PCBP3: variants seen among roughly 807,000 people sequenced by gnomAD.
The protein encoded by PCBP3 is poly(rC) binding protein 3, also known as poly(rC)-binding protein 3.
Under a neutral mutation model 52.7 loss-of-function variants are expected in PCBP3, and 25 were observed. That is an observed-to-expected ratio of 0.47 (90% confidence interval 0.35 to 0.66). The LOEUF is 0.66. PCBP3 is among the 30% of genes least tolerant of loss of function. PCBP3 has a pLI of 0.01. For synonymous variants in PCBP3, 162 were observed against 183.0 expected, an observed-to-expected ratio of 0.89 and a Z score of 0.93; for missense variants, 391 against 490.3, an observed-to-expected ratio of 0.80 and a Z score of 1.91.
chr21:45,815,925 A>G (rs2092926108), intron 4 of PCBP3, among the ~76,000 whole-genome samples: 1 of 104,454 alleles, frequency 9.6e-6, no homozygotes, highest in African/African-American at 4.1e-5. Context: ...GTGATGAGTG[A>G]GTGGTGAGTG....
At chr21:45,720,107 A>G (rs893022730) in intron 2 of PCBP3, among the ~76,000 whole-genome samples, 2 of 152,216 alleles carry the variant, frequency 1.3e-5, no homozygotes, top group African/African-American at 4.8e-5. Flanking sequence ...TCTGGGATAC[A>G]TGTGCAGAAC....
At chr21:45,832,994 C>T (rs1223169012) in intron 4 of PCBP3, among the ~76,000 whole-genome samples, 83 of 152,254 alleles carry the variant, frequency 5.5e-4, no homozygotes, top group Non-Finnish European at 1.5e-5. Flanking sequence ...CCAATCACCT[C>T]CCGCCAGGTC....
At chr21:45,785,548 G>A (rs1376041580) in intron 4 of PCBP3, among the ~76,000 whole-genome samples, 4 of 148,832 alleles carry the variant, frequency 2.7e-5, no homozygotes, top group South Asian at 2.1e-4. Context: ...CGCCCCATCC[G>A]GGAGGTGAGG....
intron 4 of PCBP3, among the ~76,000 whole-genome samples, chr21:45,770,752 G>T (rs1398602694): frequency 1.3e-5 from 2 of 152,224 alleles, no homozygotes; most frequent in Non-Finnish European, 2.9e-5. Context: ...CCAGCCTTGT[G>T]GGGTGCTGAA....
rs565916465 is a variant in PCBP3, at chr21:45,941,943, C to T, written c.*237C>T. 4 of 433,028 alleles carry T rather than the reference C, an allele frequency of 9.2e-6. No homozygotes were observed. The South Asian group carries it at 1.9e-4, about 21-fold the overall frequency. The allele number at this position is 433,028 out of a possible 1,614,324, so 26.8% of individuals were successfully genotyped here. A position where few individuals can be genotyped will look rare whatever the true frequency, so the allele number is the denominator to read the frequency against. ...TTATTTTATTTATGACTTACGCTCC[C>T]GTCTGCCCATGCACCGGCATGCAGT... is the stretch of plus-strand genomic sequence containing the variant. On this transcript the variant is annotated 3_prime_UTR_variant, in exon 18 of 18. Transcript: ENST00000681687.
chr21:45,931,332 ACACG>A (rs1220578684), intron 15 of PCBP3, among the ~76,000 whole-genome samples: 1 of 152,240 alleles, frequency 6.6e-6, no homozygotes, highest in Non-Finnish European at 1.5e-5. Flanking sequence ...AAGATGCCAC[ACACG>A]CACCACACCT....
At chr21:45,847,155 G>T (rs2093831959) in intron 4 of PCBP3, among the ~76,000 whole-genome samples, 2 of 151,768 alleles carry the variant, frequency 1.3e-5, no homozygotes. Flanking sequence ...TGTTCTGCTG[G>T]CTACTGTTAT....
chr21:45,833,589 A>T (rs569282332), intron 4 of PCBP3, among the ~76,000 whole-genome samples: 15 of 152,340 alleles, frequency 9.8e-5, no homozygotes, highest in Middle Eastern at 3.4e-3. Context: ...CTCAGGACAG[A>T]GGGTGTTTCT....
chr21:45,810,229 T>TGTGTGTGC (rs1287339292), intron 4 of PCBP3, among the ~76,000 whole-genome samples: 1 of 151,454 alleles, frequency 6.6e-6, no homozygotes, highest in African/African-American at 2.4e-5. Flanking sequence ...TGTGTGTGTG[T>TGTGTGTGC]GTGTGTGTGT....
chr21:45,646,053 T>TTCTC lies in PCBP3; in HGVS notation c.-279+2211_-279+2214dup, dbSNP rs10682556. ...ATGGTGCTGAATCCGTGTCACCTGT[T>TTCTC]TCTCTCTCTCTCTCTCTCTCTCTCT... On this transcript the variant is annotated intron_variant, in intron 1 of 17. Transcript: ENST00000681687. 5.2e-3 allele frequency among the ~76,000 whole-genome samples: 371 copies of TTCTC among 71,416 alleles called. 7 individuals carry two copies. The highest frequency in any genetic ancestry group is 0.013 in the African/African-American group (282 of 21,288). The allele number at this position is 71,416 out of a possible 152,430, so 46.9% of individuals were successfully genotyped here. A position where few individuals can be genotyped will look rare whatever the true frequency, so the allele number is the denominator to read the frequency against.
chr21:45,738,675 G>T (rs1415946627), intron 3 of PCBP3, among the ~76,000 whole-genome samples: 1 of 152,178 alleles, frequency 6.6e-6, no homozygotes, highest in Non-Finnish European at 1.5e-5. Flanking sequence ...GGTATCAGGG[G>T]ATTGTCCTCA....
intron 1 of PCBP3, among the ~76,000 whole-genome samples, chr21:45,663,058 C>T (rs190334219): frequency 4.1e-4 from 62 of 152,366 alleles, no homozygotes; most frequent in African/African-American, 1.4e-3. Context: ...GGTCCGCTTT[C>T]ATGTTCCATC....
intron 2 of PCBP3, among the ~76,000 whole-genome samples, chr21:45,706,271 G>T (rs188217477): frequency 3.9e-5 from 6 of 152,304 alleles, no homozygotes; most frequent in Non-Finnish European, 8.8e-5. Context: ...TCACTGTGTA[G>T]CCGGAGGAAG....
chr21:45,670,590 C>T (rs765561960), intron 2 of PCBP3, among the ~76,000 whole-genome samples: 35 of 152,130 alleles, frequency 2.3e-4, no homozygotes, highest in Non-Finnish European at 4.4e-4. Context: ...TAAGGACAAC[C>T]GGATGAGTAG....
At chr21:45,909,596 C>T in intron 10 of PCBP3, 110 bp downstream of exon 10, 1 of 1,060,606 alleles carries the variant, frequency 9.4e-7, no homozygotes. Flanking sequence ...TCTGCAAGCC[C>T]AATGCTGGCC....
intron 9 of PCBP3, among the ~76,000 whole-genome samples, chr21:45,903,088 C>T (rs2096108208): frequency 6.6e-6 from 1 of 152,126 alleles, no homozygotes. Flanking sequence ...GATACCATTC[C>T]TAAGATGTCT....
intron 4 of PCBP3, among the ~76,000 whole-genome samples, chr21:45,820,342 A>G (rs1297672277): frequency 6.6e-6 from 1 of 152,154 alleles, no homozygotes; most frequent in Admixed American, 6.5e-5. Context: ...GCCCCATTTT[A>G]TCTCGTCGCT....
chr21:45,699,425 C>T (rs17004794), intron 2 of PCBP3, among the ~76,000 whole-genome samples: 2 of 152,300 alleles, frequency 1.3e-5, no homozygotes, highest in Non-Finnish European at 1.5e-5. Context: ...TTTCAACCAA[C>T]ACCCGCTTCC....
chr21:45,793,178 G>A (rs2091721071), intron 4 of PCBP3, among the ~76,000 whole-genome samples: 1 of 152,168 alleles, frequency 6.6e-6, no homozygotes, highest in Non-Finnish European at 1.5e-5. Flanking sequence ...CAGACACACG[G>A]CTCCTTCAAA....
Sources: allele counts gnomAD v4.1 joint callset (sites outside exome capture counted in the v4.1 genomes callset), GRCh38; gene constraint gnomAD v4.1.1; transcripts MANE v1.5; gene names NCBI Gene and HGNC (gene_info 2026-07-23, HGNC 2026-07-21).